Variants in HFM1 observed in about 807,000 individuals in gnomAD.
The protein encoded by HFM1 is helicase for meiosis 1, also known as probable ATP-dependent DNA helicase HFM1.
Under a neutral mutation model 192.1 loss-of-function variants are expected in HFM1, and 169 were observed. The ratio of observed to expected loss-of-function variants is 0.88; its 90% confidence interval spans 0.78 to 1.00. The LOEUF is 1.00. Ranked by LOEUF, HFM1 falls within the 50% of genes least tolerant of loss-of-function variation. HFM1 has a pLI of 0.00. For missense variants in HFM1, 1,661 were observed against 1,668.0 expected (o/e 1.00, Z 0.07); for synonymous variants, 525 against 537.8 (o/e 0.98, Z 0.33).
chr1:91,334,191 G>A (rs1654238704), intron 20 of HFM1, among the ~76,000 whole-genome samples: 1 of 152,170 alleles, frequency 6.6e-6, no homozygotes, highest in Admixed American at 6.5e-5. Context: ...TGATCAGACT[G>A]AGTTGATTAG....
At chr1:91,354,017 T>G (rs1313751446) in intron 13 of HFM1, among the ~76,000 whole-genome samples, 1 of 150,148 alleles carries the variant, frequency 6.7e-6, no homozygotes, top group African/African-American at 2.4e-5. Flanking sequence ...AAACAGAAAT[T>G]TGTAAACTGT....
At position 91,380,928 on chromosome 1, in the gene HFM1, G is replaced by T; in HGVS notation, c.857C>A (p.Ser286Tyr). ...KEFPYFNYIQ[S>Y]KAFDDLLYTD... is the part of the protein sequence containing the mutation. ...AATACTTACATCATCAAAGGCCTTG[G>T]ACTGTATATAGTTGAAATATGGAAA... The change falls in exon 7 of 39, where the codon TCC (serine) becomes TAC (tyrosine). Residue 286 changes from serine (S) to tyrosine (Y), a missense_variant. Physicochemically the swap from Ser to Tyr is moderately radical, Grantham distance 144. Coordinates refer to ENST00000370425, the MANE Select transcript of HFM1 (RefSeq NM_001017975.6). The T allele has an allele frequency of 1.4e-6, 2 of 1,454,780 alleles. No individual in the cohort carries two copies. Among genetic ancestry groups the T allele is most frequent in the Non-Finnish European group, 1.9e-6 (2 of 1,038,002 alleles). 90.1% of individuals were successfully genotyped at this position (1,454,780 alleles called of 1,614,324 possible). A position where few individuals can be genotyped will look rare whatever the true frequency, so the allele number is the denominator to read the frequency against.
At chr1:91,267,880 C>G (rs775766304) in intron 34 of HFM1, 25 bp from the exon 35 acceptor site, 2 of 1,207,132 alleles carry the variant, frequency 1.7e-6, no homozygotes, top group African/African-American at 1.5e-5. Context: ...TTGCTTTTAT[C>G]TGCATCTGTC....
intron 34 of HFM1, among the ~76,000 whole-genome samples, chr1:91,270,415 G>A (rs973999066): frequency 3.9e-5 from 6 of 152,140 alleles, no homozygotes; most frequent in African/African-American, 1.2e-4. Flanking sequence ...TAACTGTTAG[G>A]TGGATATGTC....
chr1:91,276,884 C>T (rs184353702), intron 31 of HFM1, 98 bp downstream of exon 31: 2 of 828,520 alleles, frequency 2.4e-6, no homozygotes, highest in Admixed American at 5.3e-5. Flanking sequence ...TATTAAGTTG[C>T]ATAATATAAA....
At chr1:91,312,513 T>G (rs994866017) in intron 30 of HFM1, among the ~76,000 whole-genome samples, 2 of 152,150 alleles carry the variant, frequency 1.3e-5, no homozygotes, top group Admixed American at 1.3e-4. Context: ...AAGCCCTTTG[T>G]TTTGGCCAAT....
At chr1:91,407,106 T>C (rs1664839970), upstream of HFM1, among the ~76,000 whole-genome samples, 4 of 152,136 alleles carry the variant, frequency 2.6e-5, no homozygotes, top group Admixed American at 2.0e-4. Context: ...CATAGTGTTG[T>C]ATAACCATCA....
chr1:91,370,737 C>A (rs987457340), intron 13 of HFM1, among the ~76,000 whole-genome samples: 2 of 152,022 alleles, frequency 1.3e-5, no homozygotes, highest in Non-Finnish European at 2.9e-5. Context: ...GAAGTTCTGG[C>A]CAGGGCAATC....
Position 91,264,361 on chromosome 1 carries a change from A to ATTTTTT in HFM1, c.3974+1650_3974+1655dup, listed in dbSNP as rs71087940. Among the ~76,000 whole-genome samples, 208 of 57,096 alleles carry ATTTTTT rather than the reference A, an allele frequency of 3.6e-3. 44 individuals carry two copies. The highest frequency in any genetic ancestry group is 6.7e-3 in the African/African-American group (85 of 12,666). The allele number at this position is 57,096 out of a possible 152,430, so 37.5% of individuals were successfully genotyped here. On this transcript the variant is annotated intron_variant, in intron 36 of 38. Coordinates refer to ENST00000370425, the MANE Select transcript of HFM1 (RefSeq NM_001017975.6). Reference sequence around the variant, plus strand: ...TTCCAAGGGATACCACAAATTTAGTATTTTTTTTTTTTTTTTTTTTTTTTT... The same window carrying ATTTTTT: ...TTCCAAGGGATACCACAAATTTAGTATTTTTTTTTTTTTTTTTTTTTTTTTTTTTTT...
chr1:91,376,562 T>C (rs2101975473), intron 11 of HFM1, among the ~76,000 whole-genome samples: 1 of 151,992 alleles, frequency 6.6e-6, no homozygotes, highest in East Asian at 1.9e-4. Flanking sequence ...TAATAATTGC[T>C]TACAAATAAG....
intron 3 of HFM1, 83 bp downstream of exon 3, chr1:91,396,210 T>C: frequency 1.6e-6 from 1 of 610,390 alleles, no homozygotes; most frequent in Non-Finnish European, 2.9e-6. Context: ...ACACAACGTG[T>C]AACAATCAAA....
At chr1:91,340,455 A>G (rs974666249) in intron 20 of HFM1, among the ~76,000 whole-genome samples, 3 of 152,252 alleles carry the variant, frequency 2.0e-5, no homozygotes, top group Non-Finnish European at 2.9e-5. Context: ...GGTCCTTAAG[A>G]CAGTACTAAA....
intron 4 of HFM1, among the ~76,000 whole-genome samples, chr1:91,391,618 C>A (rs1663001994): frequency 6.6e-6 from 1 of 152,166 alleles, no homozygotes. Flanking sequence ...GGATTAAAGA[C>A]TTAAATGTTA....
At chr1:91,330,864 A>G (rs1471906034) in intron 20 of HFM1, among the ~76,000 whole-genome samples, 2 of 152,212 alleles carry the variant, frequency 1.3e-5, no homozygotes, top group East Asian at 3.8e-4. Context: ...AAATCAACCA[A>G]TGTGATACAT....
Position 91,378,342 on chromosome 1 carries a change from C to T in HFM1, c.1236+61G>A. 5.0e-6 allele frequency: 7 copies of T among 1,390,098 alleles called. No homozygotes were observed. The Admixed American group carries it at 5.7e-5, about 11-fold the overall frequency. The allele number at this position is 1,390,098 out of a possible 1,614,324, so 86.1% of individuals were successfully genotyped here. A position where few individuals can be genotyped will look rare whatever the true frequency, so the allele number is the denominator to read the frequency against. On this transcript the variant is annotated intron_variant, in intron 10 of 38. Coordinates refer to ENST00000370425, the MANE Select transcript of HFM1 (RefSeq NM_001017975.6). The stretch of plus-strand genomic sequence containing the variant: ...ATAGTTTGGTTGCAATGTCTTTTTT[C>T]TTTCTGTCTTATTCTAATTATCCTT...
chr1:91,285,817 G>A (rs1429113846), intron 30 of HFM1, among the ~76,000 whole-genome samples: 1 of 152,190 alleles, frequency 6.6e-6, no homozygotes, highest in Non-Finnish European at 1.5e-5. Context: ...TGAGTAGCAT[G>A]ATAGAATCTC....
At chr1:91,293,182 C>G (rs1257311776) in intron 30 of HFM1, among the ~76,000 whole-genome samples, 1 of 152,092 alleles carries the variant, frequency 6.6e-6, no homozygotes, top group Non-Finnish European at 1.5e-5. Flanking sequence ...GCAATGGCAA[C>G]AAAAGCCAAA....
intron 3 of HFM1, among the ~76,000 whole-genome samples, chr1:91,394,865 T>C (rs1007068439): frequency 2.6e-5 from 4 of 152,052 alleles, no homozygotes; most frequent in African/African-American, 4.8e-5. Flanking sequence ...TAAAGGAATG[T>C]TTTCATCAGA....
intron 11 of HFM1, among the ~76,000 whole-genome samples, chr1:91,376,046 ATTATT>A (rs1660870119): frequency 1.3e-5 from 2 of 152,098 alleles, no homozygotes; most frequent in African/African-American, 4.8e-5. Flanking sequence ...ATTTCTCACT[ATTATT>A]TTAACTTCTT....
Sources: allele counts gnomAD v4.1 joint callset (sites outside exome capture counted in the v4.1 genomes callset), GRCh38; gene constraint gnomAD v4.1.1; transcripts MANE v1.5; gene names NCBI Gene and HGNC (gene_info 2026-07-23, HGNC 2026-07-21).